Variants in TMEM201 observed in about 807,000 individuals in gnomAD.
TMEM201 encodes transmembrane protein 201, also known as RP13-15M17.2.
A neutral mutation model predicts 63.4 loss-of-function variants in TMEM201; 26 were observed. That is an observed-to-expected ratio of 0.41 (90% CI 0.30 to 0.57). The LOEUF is 0.57. TMEM201 is among the 20% of genes least tolerant of loss of function. The pLI, the probability that TMEM201 is intolerant of heterozygous loss-of-function variation, is 0.29. For missense variants in TMEM201, 794 were observed against 917.7 expected, an observed-to-expected ratio of 0.87 and a Z score of 1.74; for synonymous variants, 417 against 421.6, an observed-to-expected ratio of 0.99 and a Z score of 0.14.
intron 10 of TMEM201, 30 bp downstream of exon 10, chr1:9,611,920 G>A (rs1396245970): frequency 4.6e-6 from 7 of 1,514,644 alleles, no homozygotes; most frequent in South Asian, 1.3e-5. Flanking sequence ...GGAGGGGAGG[G>A]GGTGGGCACA....
At chr1:9,611,137 A>G (rs1418539303) in intron 9 of TMEM201, 1 of 1,147,898 alleles carries the variant, frequency 8.7e-7, no homozygotes, top group Non-Finnish European at 1.2e-6. Flanking sequence ...TAAAATGTTT[A>G]TAGTTAGCCC....
At chr1:9,590,265 T>C (rs1256663593) in intron 1 of TMEM201, among the ~76,000 whole-genome samples, 1 of 151,976 alleles carries the variant, frequency 6.6e-6, no homozygotes, top group Non-Finnish European at 1.5e-5. Context: ...AGCCGGTGGT[T>C]TTATACCCAG....
At position 9,588,959 on chromosome 1, in the gene TMEM201, G is replaced by A; in HGVS notation, c.29G>A (p.Arg10His). MEGVSALLA[R>H]CPTAGLAGGL... Reference sequence around the variant, plus strand: ...GAGGGAGTGAGCGCGCTGCTGGCCCGCTGCCCCACGGCCGGCCTGGCCGGC... The same window carrying A: ...GAGGGAGTGAGCGCGCTGCTGGCCCACTGCCCCACGGCCGGCCTGGCCGGC... Residue 10 changes from arginine to histidine, a missense_variant, in exon 1 of 11, where the codon CGC (arginine) becomes CAC (histidine). Physicochemically the swap from Arg to His is conservative, Grantham distance 29. Transcript: ENST00000340381. 3.9e-6 allele frequency: 5 copies of A among 1,269,020 alleles called. No homozygotes were observed. The highest frequency in any genetic ancestry group is 1.6e-5 in the South Asian group (1 of 63,232). 78.6% of individuals were successfully genotyped at this position (1,269,020 alleles called of 1,614,324 possible).
intron 1 of TMEM201, among the ~76,000 whole-genome samples, 200 bp from the exon 2 acceptor site, chr1:9,595,690 G>T (rs1644004916): frequency 6.6e-6 from 1 of 152,082 alleles, no homozygotes; most frequent in South Asian, 2.1e-4. Context: ...GGATGCAGCC[G>T]TACCTAGTCT....
Position 9,605,935 on chromosome 1 carries a change from G to A in TMEM201, c.1161-1622G>A, listed in dbSNP as rs56133747. 0.022 allele frequency among the ~76,000 whole-genome samples: 3,383 copies of A among 152,238 alleles called. 142 individuals are homozygous for A. Among genetic ancestry groups the A allele is most frequent in the African/African-American group, 0.077 (3,183 of 41,506 alleles). ...CAACGGTACTCTCAGGTCACTGGGG[G>A]ACCTGGTCACCCTTGGCTGACTCTT... On this transcript the variant is annotated intron_variant, in intron 6 of 10. Coordinates refer to ENST00000340381, the MANE Select transcript of TMEM201 (RefSeq NM_001130924.3). The surrounding 1 kb of genome is among the most constrained non-coding windows in gnomAD (Gnocchi z 5.7).
At chr1:9,606,459 CTT>C (rs1309801431) in intron 6 of TMEM201, 3 of 152,224 alleles carry the variant, frequency 2.0e-5, no homozygotes. Flanking sequence ...CCTTATAAAA[CTT>C]TTTTAGAGGG....
rs577959468 is a variant in TMEM201 at position 9,605,157 on chromosome 1, T to C, written c.1161-2400T>C. Among the ~76,000 whole-genome samples, 1 of 152,318 alleles carries C rather than the reference T, an allele frequency of 6.6e-6. No individual in the cohort carries two copies. Among genetic ancestry groups the C allele is most frequent in the South Asian group, 2.1e-4 (1 of 4,828 alleles). On this transcript the variant is annotated intron_variant, in intron 6 of 10. Coordinates refer to ENST00000340381, the MANE Select transcript of TMEM201 (RefSeq NM_001130924.3). This position sits in a 1 kb window ranked among gnomAD's most constrained non-coding sequence, Gnocchi z 5.7. ...TCATATTTTTTCCGTCTCAATAAAC[T>C]GTTGCTTAAAACGTGGTCTCTCTCC...
At chr1:9,600,542 C>A (rs1644118394) in intron 4 of TMEM201, among the ~76,000 whole-genome samples, 1 of 152,176 alleles carries the variant, frequency 6.6e-6, no homozygotes, top group South Asian at 2.1e-4. Context: ...CCCGGGACAC[C>A]CACCCTGGAT....
At position 9,609,822 on chromosome 1, in the gene TMEM201, G is replaced by A. The variant is rs375311554; in HGVS notation, c.1394-18G>A. 1.9e-5 allele frequency: 30 copies of A among 1,551,102 alleles called. No individual in the cohort carries two copies. The highest frequency in any genetic ancestry group is 1.4e-4 in the South Asian group (12 of 84,054). ...CATCCACAGGCCTGACGTGTCGCCCGCTTCTCTCTGTCTCCAGACTCCGGC... is the reference window on the plus strand; with the variant it reads ...CATCCACAGGCCTGACGTGTCGCCCACTTCTCTCTGTCTCCAGACTCCGGC... On this transcript the variant is annotated intron_variant, in intron 7 of 10. Coordinates refer to ENST00000340381, the MANE Select transcript of TMEM201 (RefSeq NM_001130924.3).
At chr1:9,609,767 G>A (rs761730858) in intron 7 of TMEM201, 73 bp from the exon 8 acceptor site, 165 of 1,417,298 alleles carry the variant, frequency 1.2e-4, no homozygotes, top group Admixed American at 2.4e-4. Flanking sequence ...TTGGGATTTC[G>A]GCAGAGCATT....
At chr1:9,595,692 A>C (rs1644004970) in intron 1 of TMEM201, among the ~76,000 whole-genome samples, 198 bp from the exon 2 acceptor site, 1 of 151,978 alleles carries the variant, frequency 6.6e-6, no homozygotes, top group Non-Finnish European at 1.5e-5. Context: ...ATGCAGCCGT[A>C]CCTAGTCTGC....
At chr1:9,597,082 C>G (rs963591458) in intron 3 of TMEM201, 29 bp downstream of exon 3, 18 of 1,582,428 alleles carry the variant, frequency 1.1e-5, no homozygotes, top group Admixed American at 6.8e-5. Context: ...GGCAGGGGTC[C>G]TGGCTGGGGC....
Position 9,613,340 on chromosome 1 carries a change from G to C in TMEM201, c.*257G>C. On this transcript the variant is annotated 3_prime_UTR_variant, in exon 11 of 11. Transcript: ENST00000340381. ...CGGTTGTGTTTGGTGCTGACACTCT[G>C]ATCCCGAAGCCAGGGAGCCCCAAGG... is the stretch of plus-strand genomic sequence containing the variant. 1.8e-6 allele frequency: 1 copy of C among 547,508 alleles called. No individual in the cohort carries two copies. The highest frequency in any genetic ancestry group is 3.3e-6 in the Non-Finnish European group (1 of 304,930). The allele number at this position is 547,508 out of a possible 1,614,324, so 33.9% of individuals were successfully genotyped here. A position where few individuals can be genotyped will look rare whatever the true frequency, so the allele number is the denominator to read the frequency against.
Position 9,604,794 on chromosome 1 carries a change from C to G in TMEM201, c.1160+2522C>G. The stretch of plus-strand genomic sequence containing the variant: ...CCTGCCCAGGAAGGAACACATGACC[C>G]TTCTGTCTGTGACTGTTGCTGAGTC... On this transcript the variant is annotated intron_variant, in intron 6 of 10. Coordinates refer to ENST00000340381, the MANE Select transcript of TMEM201 (RefSeq NM_001130924.3). This position sits in a 1 kb window ranked among gnomAD's most constrained non-coding sequence, Gnocchi z 4.1. 1 of 985,990 alleles carries G rather than the reference C, an allele frequency of 1.0e-6. No homozygotes were observed. The highest frequency in any genetic ancestry group is 1.2e-6 in the Non-Finnish European group (1 of 829,994). 61.1% of individuals were successfully genotyped at this position (985,990 alleles called of 1,614,324 possible).
In TMEM201 at chr1:9,613,601, C is replaced by T. The variant is rs1644354149; in HGVS notation, c.*518C>T. 6.4e-6 allele frequency: 1 copy of T among 155,466 alleles called. No homozygotes were observed. Among genetic ancestry groups the T allele is most frequent in the Non-Finnish European group, 1.4e-5 (1 of 70,060 alleles). The allele number at this position is 155,466 out of a possible 1,614,324, so 9.6% of individuals were successfully genotyped here. On this transcript the variant is annotated 3_prime_UTR_variant, in exon 11 of 11. Transcript: ENST00000340381. ...GTCCTTATCATCTGCCCTATCTTGCCCCTTCCTGTGGAGTGGGCAGAAGGG... is the reference window on the plus strand; with the variant it reads ...GTCCTTATCATCTGCCCTATCTTGCTCCTTCCTGTGGAGTGGGCAGAAGGG...
chr1:9,594,125 T>C (rs765728342), intron 1 of TMEM201, among the ~76,000 whole-genome samples: 1 of 152,180 alleles, frequency 6.6e-6, no homozygotes, highest in East Asian at 1.9e-4. Context: ...GGGGCAGGGA[T>C]GCTCAGCAGC....
At position 9,604,199 on chromosome 1, in the gene TMEM201, G is replaced by A. The variant is rs1205835225; in HGVS notation, c.1160+1927G>A. ...GATGCTAATGTCTGCTTTTCTTGGCGTTGGGTAGAAGCAGGACATCTGTGT... is the reference window on the plus strand; with the variant it reads ...GATGCTAATGTCTGCTTTTCTTGGCATTGGGTAGAAGCAGGACATCTGTGT... On this transcript the variant is annotated intron_variant, in intron 6 of 10. Coordinates refer to ENST00000340381, the MANE Select transcript of TMEM201 (RefSeq NM_001130924.3). The surrounding 1 kb of genome is among the most constrained non-coding windows in gnomAD (Gnocchi z 4.1). The A allele has an allele frequency of 5.4e-5, 53 of 985,308 alleles. No homozygotes were observed. Among genetic ancestry groups the A allele is most frequent in the Admixed American group, 1.2e-4 (2 of 16,262 alleles). 61.0% of individuals were successfully genotyped at this position (985,308 alleles called of 1,614,324 possible). A position where few individuals can be genotyped will look rare whatever the true frequency, so the allele number is the denominator to read the frequency against.
Position 9,610,483 on chromosome 1 carries a change from A to G in TMEM201, c.1466-23A>G, listed in dbSNP as rs540572929. On this transcript the variant is annotated intron_variant, in intron 8 of 10. Transcript: ENST00000340381. This position sits in a 1 kb window ranked among gnomAD's most constrained non-coding sequence, Gnocchi z 4.9. ...TGCAGTGACAGGAGCCCACGTTCAC[A>G]TCATCTTCCTCCCTCCCTCCAGATT... 3 of 1,494,240 alleles carry G rather than the reference A, an allele frequency of 2.0e-6. No homozygotes were observed. The South Asian group carries it at 3.8e-5, about 19-fold the overall frequency. The allele number at this position is 1,494,240 out of a possible 1,614,324, so 92.6% of individuals were successfully genotyped here.
intron 10 of TMEM201, among the ~76,000 whole-genome samples, chr1:9,612,360 T>A (rs1293339361): frequency 6.6e-6 from 1 of 152,194 alleles, no homozygotes; most frequent in Non-Finnish European, 1.5e-5. Context: ...CTGGCTCAGA[T>A]CCCAGGTTCT....
Sources: gnomAD v4.1 joint callset for allele counts (sites outside exome capture counted in the v4.1 genomes callset) on GRCh38, gnomAD v4.1.1 for gene constraint, Gnocchi (gnomAD v3.1) non-coding constraint, MANE v1.5 for transcripts, NCBI Gene and HGNC (gene_info 2026-07-23, HGNC 2026-07-21) for gene names.